Variants in CSMD3 observed in about 807,000 individuals in gnomAD.
CSMD3 encodes CUB and Sushi multiple domains 3, also known as CUB and sushi domain-containing protein 3.
Under a neutral mutation model 435.2 loss-of-function variants are expected in CSMD3, and 177 were observed. The observed-to-expected ratio is 0.41, with a 90% CI of 0.36 to 0.46. The LOEUF (loss-of-function observed/expected upper bound fraction) is 0.46. CSMD3 is among the 20% of genes least tolerant of loss of function. The pLI is 0.34. For synonymous variants in CSMD3, 1,656 were observed against 1,520.5 expected (o/e 1.09, Z -2.07); for missense variants, 4,265 against 4,504.6 (o/e 0.95, Z 1.52).
chr8:113,007,326 C>T (rs923485343), intron 6 of CSMD3, among the ~76,000 whole-genome samples: 2 of 151,856 alleles, frequency 1.3e-5, no homozygotes, highest in Non-Finnish European at 2.9e-5. Flanking sequence ...CATACTTAGA[C>T]AAATGACTGT....
intron 4 of CSMD3, among the ~76,000 whole-genome samples, chr8:113,140,102 A>T (rs2091512311): frequency 6.6e-6 from 1 of 151,068 alleles, no homozygotes; most frequent in African/African-American, 2.4e-5. Context: ...GTGTTATCAT[A>T]GTCAAGGAGC....
chr8:112,580,875 G>A (rs566606528), intron 23 of CSMD3, among the ~76,000 whole-genome samples: 7 of 152,144 alleles, frequency 4.6e-5, no homozygotes, highest in South Asian at 2.1e-4. Flanking sequence ...ATGTGCAGAC[G>A]TTGAATTGGC....
At chr8:113,254,524 A>G (rs1193649318) in intron 3 of CSMD3, among the ~76,000 whole-genome samples, 1 of 152,192 alleles carries the variant, frequency 6.6e-6, no homozygotes, top group Non-Finnish European at 1.5e-5. Context: ...CCATTATGTA[A>G]GGCACACATG....
At chr8:112,892,425 G>A (rs931370755) in intron 10 of CSMD3, among the ~76,000 whole-genome samples, 2 of 151,338 alleles carry the variant, frequency 1.3e-5, no homozygotes, top group African/African-American at 2.4e-5. Flanking sequence ...TGGAAAATAG[G>A]GGTAATTATG....
At chr8:113,376,937 T>C in intron 1 of CSMD3, 2 of 1,402,900 alleles carry the variant, frequency 1.4e-6, no homozygotes, top group South Asian at 1.1e-5. Flanking sequence ...ACGGATGACG[T>C]GCGGGTTCAG....
intron 27 of CSMD3, 116 bp from the exon 28 acceptor site, chr8:112,517,341 T>G: frequency 1.5e-6 from 1 of 672,908 alleles, no homozygotes; most frequent in African/African-American, 1.8e-5. Context: ...TTAAATGCTA[T>G]ACAATAAACA....
chr8:112,321,018 C>T (rs1238226201), intron 45 of CSMD3, among the ~76,000 whole-genome samples: 1 of 152,128 alleles, frequency 6.6e-6, no homozygotes, highest in Non-Finnish European at 1.5e-5. Context: ...TTCATGCCTA[C>T]TATCCTCACA....
At chr8:112,953,301 AT>A (rs1371896668) in intron 8 of CSMD3, among the ~76,000 whole-genome samples, 1 of 151,446 alleles carries the variant, frequency 6.6e-6, no homozygotes, top group African/African-American at 2.4e-5. Context: ...TCACCTGGTG[AT>A]TTTTTAAATT....
At chr8:112,763,602 A>T (rs937152692) in intron 13 of CSMD3, among the ~76,000 whole-genome samples, 1 of 147,972 alleles carries the variant, frequency 6.8e-6, no homozygotes, top group Non-Finnish European at 1.5e-5. Flanking sequence ...TAGATAAAAA[A>T]TAAGAGCTTC....
intron 22 of CSMD3, among the ~76,000 whole-genome samples, chr8:112,615,371 C>T (rs868432689): frequency 1.3e-5 from 2 of 152,138 alleles, no homozygotes; most frequent in African/African-American, 4.8e-5. Flanking sequence ...AGAACCTAAA[C>T]ACATTTTCCA....
At chr8:113,295,888 G>A (rs1273258462) in intron 2 of CSMD3, among the ~76,000 whole-genome samples, 1 of 152,112 alleles carries the variant, frequency 6.6e-6, no homozygotes, top group Non-Finnish European at 1.5e-5. Context: ...CAAAGACCTG[G>A]AACCTACCCA....
Position 112,580,956 on chromosome 8 carries a change from GT to G in CSMD3, c.3885+6109del, listed in dbSNP as rs1353203499. 3.3e-5 allele frequency among the ~76,000 whole-genome samples: 5 copies of G among 152,182 alleles called. No individual in the cohort carries two copies. In the East Asian group the frequency reaches 7.8e-4, roughly 24 times the overall value. On this transcript the variant is annotated intron_variant, in intron 23 of 70. Transcript: ENST00000297405. ...TTTCCCACTGCCCAGCAAAAAGGTT[GT>G]TGAAAATAAAAATTAGGTCATTTAT...
chr8:113,312,743 T>C (rs906203579), intron 2 of CSMD3: 7 of 152,172 alleles, frequency 4.6e-5, no homozygotes, highest in African/African-American at 1.7e-4. Flanking sequence ...TTATAGGTAT[T>C]ATTTGCATTA....
intron 24 of CSMD3, among the ~76,000 whole-genome samples, chr8:112,563,402 G>T (rs1459784010): frequency 6.6e-6 from 1 of 150,952 alleles, no homozygotes; most frequent in Non-Finnish European, 1.5e-5. Context: ...AAGATAAAAG[G>T]ATCTTTTTTT....
At chr8:112,336,110 A>T (rs950808034) in intron 44 of CSMD3, among the ~76,000 whole-genome samples, 3 of 151,926 alleles carry the variant, frequency 2.0e-5, no homozygotes, top group Non-Finnish European at 2.9e-5. Flanking sequence ...GAGTCTCACT[A>T]TGTTGCCCAG....
intron 38 of CSMD3, among the ~76,000 whole-genome samples, chr8:112,360,860 T>C (rs1827126353): frequency 6.6e-6 from 1 of 151,966 alleles, no homozygotes; most frequent in African/African-American, 2.4e-5. Context: ...GATGGCTTCA[T>C]TCATTTTTTT....
chr8:113,052,189 G>A (rs1587972279), intron 5 of CSMD3, among the ~76,000 whole-genome samples: 2 of 152,208 alleles, frequency 1.3e-5, no homozygotes, highest in East Asian at 3.9e-4. Flanking sequence ...TCAATAAATG[G>A]GAATTAGATG....
At chr8:113,134,423 C>A (rs2091362370) in intron 4 of CSMD3, among the ~76,000 whole-genome samples, 1 of 151,956 alleles carries the variant, frequency 6.6e-6, no homozygotes, top group Non-Finnish European at 1.5e-5. Context: ...CAGATGAGAT[C>A]AATGCTCATC....
intron 5 of CSMD3, among the ~76,000 whole-genome samples, chr8:113,038,000 C>T (rs1003338988): frequency 2.6e-5 from 4 of 152,102 alleles, no homozygotes; most frequent in African/African-American, 7.2e-5. Context: ...AGAATGACAG[C>T]TGGTGGCTGG....
Sources: gnomAD v4.1 joint callset for allele counts (sites outside exome capture counted in the v4.1 genomes callset) on GRCh38, gnomAD v4.1.1 for gene constraint, MANE v1.5 for transcripts, NCBI Gene and HGNC (gene_info 2026-07-23, HGNC 2026-07-21) for gene names.